The following RTKN2 variants were observed in gnomAD, a reference collection of about 807,000 sequenced individuals.
RTKN2 encodes rhotekin 2.
Under a neutral mutation model 71.5 loss-of-function variants are expected in RTKN2, and 69 were observed. The ratio of observed to expected loss-of-function variants is 0.96; its 90% confidence interval spans 0.79 to 1.18. The LOEUF is 1.18. Ranked by LOEUF, RTKN2 falls within the 50% of genes most tolerant of loss-of-function variation. The pLI is 0.00. For missense variants in RTKN2, 724 were observed against 719.7 expected (o/e 1.01, Z -0.07); for synonymous variants, 236 against 236.5 (o/e 1.00, Z 0.02).
At chr10:62,242,386 CTT>C (rs1842394538) in intron 3 of RTKN2, among the ~76,000 whole-genome samples, 1 of 151,946 alleles carries the variant, frequency 6.6e-6, no homozygotes, top group African/African-American at 2.4e-5. Flanking sequence ...AATAATTTGT[CTT>C]TACATTTTTA....
chr10:62,193,512 C>T lies in RTKN2; in HGVS notation c.*4396G>A. On this transcript the variant is annotated 3_prime_UTR_variant, in exon 12 of 12. Transcript: ENST00000373789. ...TCTCTAAGCACATTGATTAGTAGGCCTCTCTCTGTAAAGTATTTTTTTAAT... is the reference window on the plus strand; with the variant it reads ...TCTCTAAGCACATTGATTAGTAGGCTTCTCTCTGTAAAGTATTTTTTTAAT... The T allele has an allele frequency of 2.0e-6, 2 of 982,132 alleles. No individual in the cohort carries two copies. Among genetic ancestry groups the T allele is most frequent in the South Asian group, 9.4e-5 (2 of 21,224 alleles). 60.8% of individuals were successfully genotyped at this position (982,132 alleles called of 1,614,324 possible). A position where few individuals can be genotyped will look rare whatever the true frequency, so the allele number is the denominator to read the frequency against.
At chr10:62,225,357 C>T (rs897235641) in intron 6 of RTKN2, among the ~76,000 whole-genome samples, 4 of 152,196 alleles carry the variant, frequency 2.6e-5, no homozygotes, top group African/African-American at 9.6e-5. Flanking sequence ...GAACTTTTCA[C>T]TTAGCTAACT....
chr10:62,263,138 T>C (rs987171829), intron 1 of RTKN2, among the ~76,000 whole-genome samples: 1 of 152,184 alleles, frequency 6.6e-6, no homozygotes, highest in Non-Finnish European at 1.5e-5. Flanking sequence ...CCTCAGAATG[T>C]AGCCTTATTT....
In RTKN2 at chr10:62,195,661, A is replaced by T. The variant is rs1344337455; in HGVS notation, c.*2247T>A. 1.1e-6 allele frequency: 1 copy of T among 914,906 alleles called. No homozygotes were observed. Among genetic ancestry groups the T allele is most frequent in the Non-Finnish European group, 1.3e-6 (1 of 773,054 alleles). 56.7% of individuals were successfully genotyped at this position (914,906 alleles called of 1,614,324 possible). A position where few individuals can be genotyped will look rare whatever the true frequency, so the allele number is the denominator to read the frequency against. ...AAGGAAGGAAGGAAGGAAGGAAGGA[A>T]GGAAGGAAGGAAACCAACTCTGTAT... is the stretch of plus-strand genomic sequence containing the variant. On this transcript the variant is annotated 3_prime_UTR_variant, in exon 12 of 12. Transcript: ENST00000373789.
At chr10:62,218,335 T>A (rs1389752625) in intron 7 of RTKN2, 34 bp from the exon 8 acceptor site, 3 of 1,362,026 alleles carry the variant, frequency 2.2e-6, no homozygotes, top group Non-Finnish European at 3.1e-6. Context: ...AAAAATCAAG[T>A]TATAAATATA....
At chr10:62,244,860 C>T (rs1842447848) in intron 3 of RTKN2, among the ~76,000 whole-genome samples, 1 of 152,070 alleles carries the variant, frequency 6.6e-6, no homozygotes, top group Non-Finnish European at 1.5e-5. Flanking sequence ...TGGCCATTTA[C>T]GTACTTTGTA....
At position 62,195,784 on chromosome 10, in the gene RTKN2, C is replaced by A. The variant is rs1841318136; in HGVS notation, c.*2124G>T. 1.0e-6 allele frequency: 1 copy of A among 985,260 alleles called. No homozygotes were observed. The highest frequency in any genetic ancestry group is 1.1e-4 in the East Asian group (1 of 8,830). 61.0% of individuals were successfully genotyped at this position (985,260 alleles called of 1,614,324 possible). The stretch of plus-strand genomic sequence containing the variant: ...CTTGTAACATACAGTAAGCTGGGCC[C>A]CCCAGAAAGAGACCGAATAATTTGG... On this transcript the variant is annotated 3_prime_UTR_variant, in exon 12 of 12. Transcript: ENST00000373789.
rs1841278086 is a variant in RTKN2, at chr10:62,194,189, A to T, written c.*3719T>A. On this transcript the variant is annotated 3_prime_UTR_variant, in exon 12 of 12. Transcript: ENST00000373789. ...CACAAGCATGTCAGAAAATCAACACACCCTAATATATTTTCAAATGATGAC... is the reference window on the plus strand; with the variant it reads ...CACAAGCATGTCAGAAAATCAACACTCCCTAATATATTTTCAAATGATGAC... 1.0e-6 allele frequency: 1 copy of T among 983,048 alleles called. No individual in the cohort carries two copies. The highest frequency in any genetic ancestry group is 1.7e-5 in the African/African-American group (1 of 57,196). 60.9% of individuals were successfully genotyped at this position (983,048 alleles called of 1,614,324 possible). A position where few individuals can be genotyped will look rare whatever the true frequency, so the allele number is the denominator to read the frequency against.
chr10:62,221,214 A>G (rs1022402021), intron 7 of RTKN2, among the ~76,000 whole-genome samples: 2 of 151,978 alleles, frequency 1.3e-5, no homozygotes, highest in Non-Finnish European at 2.9e-5. Context: ...AAGTCCTTGC[A>G]TTGTCTGAGA....
intron 2 of RTKN2, among the ~76,000 whole-genome samples, chr10:62,250,790 C>G (rs2133056432): frequency 6.6e-6 from 1 of 152,234 alleles, no homozygotes; most frequent in South Asian, 2.1e-4. Context: ...CCACCATGCC[C>G]AGCTAATGTT....
At chr10:62,246,686 A>G (rs1842484684) in intron 2 of RTKN2, among the ~76,000 whole-genome samples, 1 of 152,028 alleles carries the variant, frequency 6.6e-6, no homozygotes, top group African/African-American at 2.4e-5. Flanking sequence ...TTACGATTCA[A>G]AGGAAATTCT....
At chr10:62,191,319 A>AT (rs1008998016), downstream of RTKN2, among the ~76,000 whole-genome samples, 4 of 151,956 alleles carry the variant, frequency 2.6e-5, no homozygotes, top group Non-Finnish European at 2.9e-5. Context: ...AATTATTATT[A>AT]TTTTTTGTAG....
intron 2 of RTKN2, among the ~76,000 whole-genome samples, chr10:62,262,390 G>C (rs1004018470): frequency 6.6e-6 from 1 of 152,042 alleles, no homozygotes; most frequent in African/African-American, 2.4e-5. Flanking sequence ...CATTGCTTCT[G>C]GATAATTTTC....
At chr10:62,243,337 T>G (rs1842418152) in intron 3 of RTKN2, among the ~76,000 whole-genome samples, 1 of 151,986 alleles carries the variant, frequency 6.6e-6, no homozygotes, top group Non-Finnish European at 1.5e-5. Context: ...TGAGAATGCT[T>G]TATTGTTTTG....
Position 62,187,475 on chromosome 10 carries a change from T to C in RTKN2, c.862-3088A>G, listed in dbSNP as rs1045701454. ...AGCCCTCAGGCCTCTCCTTTCCTTT[T>C]GTGTACTGAAGAGAATTACACACAT... is the stretch of plus-strand genomic sequence containing the variant. On this transcript the variant is annotated intron_variant, in intron 8 of 8. Coordinates refer to the RTKN2 transcript ENST00000315289. Among the ~76,000 whole-genome samples the C allele has an allele frequency of 1.2e-4, 19 of 152,242 alleles. No individual in the cohort carries two copies. In the East Asian group the frequency reaches 2.1e-3, roughly 17 times the overall value.
chr10:62,255,274 G>C (rs1352407428), intron 2 of RTKN2, among the ~76,000 whole-genome samples: 1 of 152,072 alleles, frequency 6.6e-6, no homozygotes, highest in Non-Finnish European at 1.5e-5. Flanking sequence ...AAAAAGCCTA[G>C]AAGCAGTGAT....
intron 6 of RTKN2, among the ~76,000 whole-genome samples, chr10:62,228,883 T>G (rs1431880157): frequency 6.6e-6 from 1 of 152,226 alleles, no homozygotes; most frequent in East Asian, 1.9e-4. Flanking sequence ...GAAACAAAGT[T>G]ATCAGCTATG....
intron 9 of RTKN2, among the ~76,000 whole-genome samples, chr10:62,215,768 C>T (rs1457818120): frequency 6.6e-6 from 1 of 151,316 alleles, no homozygotes; most frequent in African/African-American, 2.4e-5. Flanking sequence ...TATTCTGTTT[C>T]AATTTTTCCA....
chr10:62,227,775 A>C (rs1173771093), intron 6 of RTKN2, among the ~76,000 whole-genome samples: 1 of 152,214 alleles, frequency 6.6e-6, no homozygotes, highest in African/African-American at 2.4e-5. Context: ...GCAACTGACC[A>C]GGCAAGAGCT....
Sources: gnomAD v4.1 joint callset for allele counts (sites outside exome capture counted in the v4.1 genomes callset) on GRCh38, gnomAD v4.1.1 for gene constraint, MANE v1.5 for transcripts, NCBI Gene and HGNC (gene_info 2026-07-23, HGNC 2026-07-21) for gene names.